Variants in IFFO2 observed in about 807,000 individuals in gnomAD.
The protein encoded by IFFO2 is intermediate filament family orphan 2.
In IFFO2, 19 loss-of-function variants were observed where a neutral mutation model predicts 53.5. The observed-to-expected ratio is 0.36, with a 90% confidence interval of 0.25 to 0.52. The LOEUF is 0.52. Ranked by LOEUF, IFFO2 falls within the 20% of genes least tolerant of loss-of-function variation. IFFO2 has a pLI of 0.94. For synonymous variants in IFFO2, 303 were observed against 313.6 expected (o/e 0.97, Z 0.36); for missense variants, 570 against 727.4 (o/e 0.78, Z 2.49).
intron 1 of IFFO2, among the ~76,000 whole-genome samples, chr1:18,924,755 G>A (rs988655871): frequency 3.3e-5 from 5 of 152,194 alleles, no homozygotes; most frequent in African/African-American, 1.2e-4. Context: ...GTCTCCCTCA[G>A]CAGTCCAGGA....
chr1:18,925,308 C>G (rs1557642879), intron 1 of IFFO2, among the ~76,000 whole-genome samples: 1 of 152,204 alleles, frequency 6.6e-6, no homozygotes. Flanking sequence ...CAAATGTCAT[C>G]TCTTCCCCAA....
At chr1:18,925,919 ATGGATGGATGGATGGT>A in intron 1 of IFFO2, among the ~76,000 whole-genome samples, 1 of 70,536 alleles carries the variant, frequency 1.4e-5, no homozygotes, top group Non-Finnish European at 2.6e-5. Flanking sequence ...GGATGGATGG[ATGGATGGATGGATGGT>A]TGGATGGATG....
chr1:18,925,172 G>A (rs551001348), intron 1 of IFFO2, among the ~76,000 whole-genome samples: 19 of 152,142 alleles, frequency 1.2e-4, no homozygotes, highest in African/African-American at 3.9e-4. Context: ...ATAAAATCCC[G>A]CTGAGCCCTC....
chr1:18,926,117 A>AGATGGATG (rs150662588), intron 1 of IFFO2, among the ~76,000 whole-genome samples: 5,861 of 35,428 alleles, frequency 0.17, 902 homozygotes, highest in African/African-American at 0.3. Context: ...TTGGATGGAT[A>AGATGGATG]GATGGATGGA....
chr1:18,933,701 T>G (rs1936408992), intron 1 of IFFO2, among the ~76,000 whole-genome samples: 2 of 152,262 alleles, frequency 1.3e-5, no homozygotes, highest in South Asian at 4.1e-4. Context: ...AAGGCTGCAG[T>G]GAGCCAAGAT....
chr1:18,944,204 G>A (rs1301023886), intron 1 of IFFO2, among the ~76,000 whole-genome samples: 1 of 152,210 alleles, frequency 6.6e-6, no homozygotes, highest in Non-Finnish European at 1.5e-5. Context: ...AATGGCTGAA[G>A]GTCGCTTTGA....
chr1:18,934,480 C>A (rs147849521), intron 1 of IFFO2, among the ~76,000 whole-genome samples: 42 of 152,298 alleles, frequency 2.8e-4, no homozygotes, highest in African/African-American at 9.9e-4. Flanking sequence ...GTCATGTATA[C>A]CTGCTCAAAA....
chr1:18,943,170 C>T (rs2148187092), intron 1 of IFFO2, among the ~76,000 whole-genome samples: 1 of 152,138 alleles, frequency 6.6e-6, no homozygotes, highest in African/African-American at 2.4e-5. Flanking sequence ...AGTTCAAGAC[C>T]AGCCCCGGCA....
In IFFO2 at chr1:18,918,507, AG is replaced by A; in HGVS notation, c.823-6del. The stretch of plus-strand genomic sequence containing the variant: ...TGTGTCCAGGTCTGTCATGGGCTGC[AG>A]GGAGGACAGCAGGGTTTACATGAGC... On this transcript the variant is annotated splice_region_variant and splice_polypyrimidine_tract_variant and intron_variant, in intron 3 of 8. Coordinates refer to ENST00000455833, the MANE Select transcript of IFFO2 (RefSeq NM_001136265.2). The surrounding 1 kb of genome is among the most constrained non-coding windows in gnomAD (Gnocchi z 5.2). 1 of 1,552,264 alleles carries A rather than the reference AG, an allele frequency of 6.4e-7. No homozygotes were observed. Among genetic ancestry groups the A allele is most frequent in the Non-Finnish European group, 8.7e-7 (1 of 1,147,232 alleles).
rs1028445172 is a variant in IFFO2 at position 18,917,867 on chromosome 1, G to A, written c.963+495C>T. ...GGGGGGTATCGAGAGCCTCTTTGGG[G>A]TGGAATGAAAAATAGTCAAAGGCCA... On this transcript the variant is annotated intron_variant, in intron 4 of 8. Transcript: ENST00000455833. The surrounding 1 kb of genome is among the most constrained non-coding windows in gnomAD (Gnocchi z 5.9). Among the ~76,000 whole-genome samples the A allele has an allele frequency of 6.6e-6, 1 of 152,170 alleles. No homozygotes were observed. The highest frequency in any genetic ancestry group is 6.5e-5 in the Admixed American group (1 of 15,288).
rs1936330248 is a variant in IFFO2, at chr1:18,928,294, C to T, written c.666-7173G>A. 1.3e-5 allele frequency among the ~76,000 whole-genome samples: 2 copies of T among 152,124 alleles called. No homozygotes were observed. Among genetic ancestry groups the T allele is most frequent in the African/African-American group, 2.4e-5 (1 of 41,390 alleles). ...AGGAAAGGCTGTCTCGCAGACGTGC[C>T]CATCAGAGCCCGGCTGCCCAGCTGT... On this transcript the variant is annotated intron_variant, in intron 1 of 8. Coordinates refer to ENST00000455833, the MANE Select transcript of IFFO2 (RefSeq NM_001136265.2). The surrounding 1 kb of genome is among the most constrained non-coding windows in gnomAD (Gnocchi z 4.9).
chr1:18,909,913 T>A (rs940897717), intron 8 of IFFO2, among the ~76,000 whole-genome samples: 1 of 152,108 alleles, frequency 6.6e-6, no homozygotes, highest in African/African-American at 2.4e-5. Flanking sequence ...CAATTCTTTA[T>A]AGCACCATGA....
intron 1 of IFFO2, 48 bp from the exon 2 acceptor site, chr1:18,921,169 C>G (rs775876420): frequency 4.5e-5 from 67 of 1,495,836 alleles, no homozygotes; most frequent in Non-Finnish European, 5.8e-5. Context: ...GTTCCCTGTG[C>G]CAGTCCAGCC....
intron 1 of IFFO2, among the ~76,000 whole-genome samples, chr1:18,931,657 G>C (rs905137781): frequency 1.3e-5 from 2 of 152,168 alleles, no homozygotes; most frequent in Non-Finnish European, 2.9e-5. Context: ...CTAATCATTC[G>C]ACACCCACCA....
intron 1 of IFFO2, among the ~76,000 whole-genome samples, chr1:18,953,834 C>T (rs1936689318): frequency 6.6e-6 from 1 of 152,208 alleles, no homozygotes; most frequent in African/African-American, 2.4e-5. Context: ...AATGCCAACC[C>T]ATCTCCCTCC....
intron 1 of IFFO2, among the ~76,000 whole-genome samples, chr1:18,954,609 C>T (rs910665753): frequency 6.6e-6 from 1 of 152,254 alleles, no homozygotes; most frequent in African/African-American, 2.4e-5. Flanking sequence ...GGGCCCCTTC[C>T]CCAGCCAGGC....
intron 1 of IFFO2, among the ~76,000 whole-genome samples, chr1:18,932,689 T>C (rs548385655): frequency 2.0e-5 from 3 of 152,372 alleles, no homozygotes; most frequent in Admixed American, 2.0e-4. Context: ...GCCTTTCTGC[T>C]GTCCTCCCTG....
chr1:18,910,041 C>T (rs761742400), intron 8 of IFFO2, among the ~76,000 whole-genome samples: 7 of 152,192 alleles, frequency 4.6e-5, no homozygotes, highest in Admixed American at 4.6e-4. Context: ...TCCTTGAGGG[C>T]AGGGGCTATA....
At chr1:18,909,654 G>T (rs887977974) in intron 8 of IFFO2, among the ~76,000 whole-genome samples, 2 of 152,132 alleles carry the variant, frequency 1.3e-5, no homozygotes, top group African/African-American at 4.8e-5. Context: ...CTCCCCTGCC[G>T]CCCTGTGAAG....
Sources: allele counts gnomAD v4.1 joint callset (sites outside exome capture counted in the v4.1 genomes callset), GRCh38; gene constraint gnomAD v4.1.1; non-coding constraint Gnocchi (gnomAD v3.1); transcripts MANE v1.5; gene names NCBI Gene and HGNC (gene_info 2026-07-23, HGNC 2026-07-21).